The following MACROD2 variants were observed in gnomAD, a reference collection of about 807,000 sequenced individuals.
The protein encoded by MACROD2 is mono-ADP ribosylhydrolase 2.
In MACROD2, 36 loss-of-function variants were observed where a neutral mutation model predicts 70.4. The observed-to-expected ratio is 0.51, with a 90% CI of 0.39 to 0.68. The LOEUF is 0.68. Among genes scored for constraint, MACROD2 ranks in the 30% least tolerant of loss-of-function variants. The pLI is 0.00. For missense variants in MACROD2, 496 were observed against 538.4 expected (o/e 0.92, Z 0.78); for synonymous variants, 172 against 178.8 (o/e 0.96, Z 0.30).
chr20:15,943,533 G>A (rs1387525350), intron 12 of MACROD2, among the ~76,000 whole-genome samples: 12 of 152,134 alleles, frequency 7.9e-5, no homozygotes, highest in Non-Finnish European at 1.6e-4. Flanking sequence ...AGCCTTAAGT[G>A]TAGAATGAAA....
At chr20:14,212,093 CT>C (rs1453107735) in intron 3 of MACROD2, among the ~76,000 whole-genome samples, 1 of 152,100 alleles carries the variant, frequency 6.6e-6, no homozygotes, top group African/African-American at 2.4e-5. Flanking sequence ...ACACATCTTG[CT>C]TCAAGGGTTT....
intron 4 of MACROD2, among the ~76,000 whole-genome samples, chr20:14,515,318 G>T (rs767436532): frequency 6.6e-6 from 1 of 152,020 alleles, no homozygotes; most frequent in South Asian, 2.1e-4. Flanking sequence ...TTCTTGCTCT[G>T]TATACAAAGG....
At chr20:15,687,934 T>G (rs1171018621) in intron 8 of MACROD2, among the ~76,000 whole-genome samples, 2 of 152,216 alleles carry the variant, frequency 1.3e-5, no homozygotes, top group African/African-American at 4.8e-5. Flanking sequence ...GAAACTCAAA[T>G]GTCCTTTCTC....
chr20:14,850,135 G>C, intron 5 of MACROD2: 2 of 386,840 alleles, frequency 5.2e-6, no homozygotes, highest in South Asian at 4.1e-5. Context: ...AGCTTTGGGG[G>C]TCATCTAGGA....
chr20:14,978,226 T>C (rs556895593), intron 5 of MACROD2, among the ~76,000 whole-genome samples: 18 of 152,274 alleles, frequency 1.2e-4, no homozygotes, highest in South Asian at 4.1e-4. Flanking sequence ...GATTCTTCCA[T>C]ATCCTACAGA....
intron 5 of MACROD2, among the ~76,000 whole-genome samples, chr20:15,006,570 A>G (rs998701507): frequency 2.0e-5 from 3 of 152,206 alleles, no homozygotes; most frequent in African/African-American, 7.2e-5. Context: ...TTCACAATGT[A>G]TATGTATATC....
Position 14,692,796 on chromosome 20 carries a change from T to C in MACROD2, c.418+7837T>C, listed in dbSNP as rs571950076. On this transcript the variant is annotated intron_variant, in intron 5 of 17. Transcript: ENST00000684519. Reference sequence around the variant, plus strand: ...CCAAACTTTGCTTAATGTATCCACATGCCACATGTCTGTTCTATGCTTAGC... The same window carrying C: ...CCAAACTTTGCTTAATGTATCCACACGCCACATGTCTGTTCTATGCTTAGC... Among the ~76,000 whole-genome samples the C allele has an allele frequency of 3.6e-4, 55 of 152,364 alleles. No homozygotes were observed. In the South Asian group the frequency reaches 0.011, roughly 31 times the overall value.
chr20:15,557,435 C>G (rs1197726727), intron 8 of MACROD2, among the ~76,000 whole-genome samples: 2 of 152,048 alleles, frequency 1.3e-5, no homozygotes, highest in African/African-American at 4.8e-5. Flanking sequence ...AAAGGGGTAC[C>G]CCACAAGAAG....
intron 3 of MACROD2, among the ~76,000 whole-genome samples, chr20:14,120,404 A>T (rs183508032): frequency 3.4e-4 from 52 of 152,080 alleles, no homozygotes; most frequent in African/African-American, 1.2e-3. Context: ...AGAGATAGGA[A>T]CACTTTTAAT....
chr20:15,418,426 G>A (rs1439653871), intron 6 of MACROD2, among the ~76,000 whole-genome samples: 2 of 152,214 alleles, frequency 1.3e-5, no homozygotes. Flanking sequence ...GTGAGAAATG[G>A]TTGATTGCTC....
chr20:14,572,615 A>G (rs1472818356), intron 4 of MACROD2, among the ~76,000 whole-genome samples: 1 of 152,146 alleles, frequency 6.6e-6, no homozygotes, highest in East Asian at 1.9e-4. Context: ...ATGAAGTTAG[A>G]TGTTAAAAAG....
At chr20:14,240,803 A>G (rs1305304235) in intron 3 of MACROD2, among the ~76,000 whole-genome samples, 1 of 152,170 alleles carries the variant, frequency 6.6e-6, no homozygotes, top group Non-Finnish European at 1.5e-5. Flanking sequence ...CAACTTACCT[A>G]TATGATAAAC....
chr20:14,702,854 A>G (rs1453229373), intron 5 of MACROD2, among the ~76,000 whole-genome samples: 1 of 150,624 alleles, frequency 6.6e-6, no homozygotes, highest in East Asian at 2.0e-4. Flanking sequence ...CAGCCTCCCT[A>G]GTAGCTAGGA....
chr20:14,710,662 C>G (rs2071327828), intron 5 of MACROD2, among the ~76,000 whole-genome samples: 1 of 152,200 alleles, frequency 6.6e-6, no homozygotes, highest in Non-Finnish European at 1.5e-5. Context: ...GTTTATTTAA[C>G]ATCTTCCTCA....
At chr20:14,566,289 G>A (rs1189471003) in intron 4 of MACROD2, among the ~76,000 whole-genome samples, 1 of 151,804 alleles carries the variant, frequency 6.6e-6, no homozygotes, top group Non-Finnish European at 1.5e-5. Flanking sequence ...AGTATTCAGA[G>A]AAATTCGTAT....
chr20:15,837,493 C>T (rs2064127118), intron 8 of MACROD2, among the ~76,000 whole-genome samples: 1 of 152,116 alleles, frequency 6.6e-6, no homozygotes, highest in Non-Finnish European at 1.5e-5. Flanking sequence ...CTACTGTGTC[C>T]TCAGTAGCAG....
intron 3 of MACROD2, among the ~76,000 whole-genome samples, chr20:14,428,683 AG>A (rs1162617756): frequency 1.3e-5 from 2 of 152,174 alleles, no homozygotes; most frequent in African/African-American, 2.4e-5. Flanking sequence ...AGTGCCAGTA[AG>A]GGTTGCTTAG....
chr20:14,212,453 G>T (rs192562008), intron 3 of MACROD2, among the ~76,000 whole-genome samples: 1 of 152,180 alleles, frequency 6.6e-6, no homozygotes, highest in East Asian at 1.9e-4. Context: ...ATTCCAAGAC[G>T]CCTTAAGAAG....
At chr20:14,392,962 T>C (rs574690008) in intron 3 of MACROD2, among the ~76,000 whole-genome samples, 11 of 152,288 alleles carry the variant, frequency 7.2e-5, no homozygotes, top group African/African-American at 2.6e-4. Flanking sequence ...GTGGTACCCA[T>C]GGATCTCTAG....
Sources: allele counts gnomAD v4.1 joint callset (sites outside exome capture counted in the v4.1 genomes callset), GRCh38; gene constraint gnomAD v4.1.1; transcripts MANE v1.5; gene names NCBI Gene and HGNC (gene_info 2026-07-23, HGNC 2026-07-21).